Variants in ABLIM2 observed in about 807,000 individuals in gnomAD.
ABLIM2 encodes actin-binding LIM protein 2.
ABLIM2 carries 53 observed loss-of-function variants against 97.7 expected under a neutral mutation model. That is an observed-to-expected ratio of 0.54 (90% CI 0.44 to 0.68). The LOEUF (loss-of-function observed/expected upper bound fraction) is 0.68. ABLIM2 is among the 30% of genes least tolerant of loss of function. The pLI, the probability that ABLIM2 is intolerant of heterozygous loss-of-function variation, is 0.00. For missense variants in ABLIM2, 835 were observed against 867.2 expected, an observed-to-expected ratio of 0.96 and a Z score of 0.47; for synonymous variants, 361 against 345.8, an observed-to-expected ratio of 1.04 and a Z score of -0.49.
At position 8,032,256 on chromosome 4, in the gene ABLIM2, C is replaced by T. The variant is rs939213010; in HGVS notation, c.1048-2480G>A. Reference sequence around the variant, plus strand: ...GTAAAAGCTCTTTTGTAGAGAGACACGTCCAGTGTTTCTCCACGAGGACTG... The same window carrying T: ...GTAAAAGCTCTTTTGTAGAGAGACATGTCCAGTGTTTCTCCACGAGGACTG... On this transcript the variant is annotated intron_variant, in intron 10 of 20. Transcript: ENST00000447017. This position sits in a 1 kb window ranked among gnomAD's most constrained non-coding sequence, Gnocchi z 4.3. 3.9e-5 allele frequency among the ~76,000 whole-genome samples: 6 copies of T among 151,910 alleles called. No homozygotes were observed. The highest frequency in any genetic ancestry group is 2.0e-4 in the Admixed American group (3 of 15,278).
chr4:8,013,660 C>A (rs1432618057), intron 14 of ABLIM2, among the ~76,000 whole-genome samples: 2 of 152,220 alleles, frequency 1.3e-5, no homozygotes, highest in Non-Finnish European at 2.9e-5. Flanking sequence ...GACCCTGAAG[C>A]CAGAGCTGGA....
rs932568955 is a variant in ABLIM2 at position 8,004,137 on chromosome 4, G to T, written c.1618+3922C>A. ...CCTTCCCTTCCACAGAAAAGCTGCA[G>T]CAGGGTCGCTGTCTCCTAACCCTCC... is the stretch of plus-strand genomic sequence containing the variant. On this transcript the variant is annotated intron_variant, in intron 16 of 20. Coordinates refer to ENST00000447017, the MANE Select transcript of ABLIM2 (RefSeq NM_001130083.2). This position sits in a 1 kb window ranked among gnomAD's most constrained non-coding sequence, Gnocchi z 5.9. Among the ~76,000 whole-genome samples, 1 of 142,238 alleles carries T rather than the reference G, an allele frequency of 7.0e-6. No homozygotes were observed. The highest frequency in any genetic ancestry group is 6.9e-5 in the Admixed American group (1 of 14,546). 93.3% of individuals were successfully genotyped at this position (142,238 alleles called of 152,430 possible). A position where few individuals can be genotyped will look rare whatever the true frequency, so the allele number is the denominator to read the frequency against.
Position 7,966,475 on chromosome 4 carries a change from C to A in ABLIM2, c.*515G>T, listed in dbSNP as rs1723015288. On this transcript the variant is annotated 3_prime_UTR_variant, in exon 21 of 21. Coordinates refer to ENST00000447017, the MANE Select transcript of ABLIM2 (RefSeq NM_001130083.2). ...ATCACAGACGCCTGCAAAAATCACA[C>A]ACCCCACTCTTGGCACTGTCCCAGA... The A allele has an allele frequency of 6.5e-6, 1 of 154,342 alleles. No homozygotes were observed. Among genetic ancestry groups the A allele is most frequent in the Admixed American group, 6.4e-5 (1 of 15,544 alleles). The allele number at this position is 154,342 out of a possible 1,614,324, so 9.6% of individuals were successfully genotyped here. A position where few individuals can be genotyped will look rare whatever the true frequency, so the allele number is the denominator to read the frequency against.
intron 2 of ABLIM2, among the ~76,000 whole-genome samples, chr4:8,101,550 G>A (rs1443595875): frequency 6.6e-6 from 1 of 152,216 alleles, no homozygotes; most frequent in Non-Finnish European, 1.5e-5. Flanking sequence ...GTCCCAGATG[G>A]ATGCATCCTC....
intron 1 of ABLIM2, among the ~76,000 whole-genome samples, chr4:8,152,224 A>G (rs193068711): frequency 1.3e-3 from 205 of 152,328 alleles, no homozygotes; most frequent in African/African-American, 4.7e-3. Context: ...CGGCTAAAGC[A>G]CGCAGGCAGG....
At position 8,095,606 on chromosome 4, in the gene ABLIM2, G is replaced by A. The variant is rs7674462; in HGVS notation, c.338+1493C>T. ...TTTATGTTTCCCAAGCTGGTCTCCA[G>A]TTCCTGGTCTCAAGCGATCCTCCTA... On this transcript the variant is annotated intron_variant, in intron 3 of 20. Transcript: ENST00000447017. The surrounding 1 kb of genome is among the most constrained non-coding windows in gnomAD (Gnocchi z 4.7). 0.25 allele frequency among the ~76,000 whole-genome samples: 38,521 copies of A among 152,058 alleles called. 5,126 individuals carry two copies. The highest frequency in any genetic ancestry group is 0.32 in the East Asian group (1,630 of 5,170).
chr4:8,036,903 T>A (rs1264346288), intron 9 of ABLIM2, among the ~76,000 whole-genome samples: 1 of 151,508 alleles, frequency 6.6e-6, no homozygotes, highest in African/African-American at 2.4e-5. Flanking sequence ...CATCCCTTAC[T>A]ATTCATGTGG....
Position 8,124,487 on chromosome 4 carries a change from A to T in ABLIM2, c.11-17850T>A, listed in dbSNP as rs1846920391. On this transcript the variant is annotated intron_variant, in intron 1 of 20. Coordinates refer to ENST00000447017, the MANE Select transcript of ABLIM2 (RefSeq NM_001130083.2). The surrounding 1 kb of genome is among the most constrained non-coding windows in gnomAD (Gnocchi z 6.1). ...TGGATTTGCCTGCTCTGGGCATTTC[A>T]TGCGAACGGAATCCCACACTGCGTG... 6.6e-6 allele frequency among the ~76,000 whole-genome samples: 1 copy of T among 152,030 alleles called. No homozygotes were observed. The highest frequency in any genetic ancestry group is 2.4e-5 in the African/African-American group (1 of 41,408).
At chr4:8,064,568 C>T (rs182006680) in intron 6 of ABLIM2, among the ~76,000 whole-genome samples, 2 of 152,298 alleles carry the variant, frequency 1.3e-5, no homozygotes, top group East Asian at 3.9e-4. Context: ...ATAAATTCCC[C>T]AGGAGTTTCA....
chr4:8,009,970 C>T (rs1216420802), intron 14 of ABLIM2, among the ~76,000 whole-genome samples: 1 of 152,230 alleles, frequency 6.6e-6, no homozygotes, highest in African/African-American at 2.4e-5. Flanking sequence ...CTGTCTGCCA[C>T]ACCTGGCTAA....
intron 2 of ABLIM2, among the ~76,000 whole-genome samples, chr4:8,105,558 TTTGC>T (rs1396988335): frequency 1.3e-5 from 2 of 152,188 alleles, no homozygotes; most frequent in Non-Finnish European, 2.9e-5. Context: ...CCTAGTTTTG[TTTGC>T]CCAGAAAAAA....
chr4:8,132,379 T>C lies in ABLIM2; in HGVS notation c.11-25742A>G, dbSNP rs889387089. 7.9e-5 allele frequency among the ~76,000 whole-genome samples: 12 copies of C among 152,150 alleles called. No individual in the cohort carries two copies. Among genetic ancestry groups the C allele is most frequent in the Non-Finnish European group, 1.0e-4 (7 of 68,026 alleles). Reference sequence around the variant, plus strand: ...GACACATGGGACAGGTGAGAGAGATTTTCACTGAGACTTAAAGCGAGGAAG... The same window carrying C: ...GACACATGGGACAGGTGAGAGAGATCTTCACTGAGACTTAAAGCGAGGAAG... On this transcript the variant is annotated intron_variant, in intron 1 of 20. Transcript: ENST00000447017. The surrounding 1 kb of genome is among the most constrained non-coding windows in gnomAD (Gnocchi z 8.0).
chr4:7,980,437 A>G (rs752808968), intron 20 of ABLIM2, among the ~76,000 whole-genome samples: 1 of 152,164 alleles, frequency 6.6e-6, no homozygotes, highest in Non-Finnish European at 1.5e-5. Context: ...TCTGCAGGCC[A>G]GGCATAGTGG....
intron 14 of ABLIM2, among the ~76,000 whole-genome samples, chr4:8,012,635 T>G (rs933615345): frequency 1.3e-5 from 2 of 150,540 alleles, no homozygotes; most frequent in Non-Finnish European, 3.0e-5. Flanking sequence ...CATCTACCCA[T>G]CCATCCACCC....
At position 8,044,835 on chromosome 4, in the gene ABLIM2, C is replaced by A. The variant is rs1056397172; in HGVS notation, c.900+329G>T. On this transcript the variant is annotated intron_variant, in intron 9 of 20. Transcript: ENST00000447017. The surrounding 1 kb of genome is among the most constrained non-coding windows in gnomAD (Gnocchi z 4.4). Reference sequence around the variant, plus strand: ...TGCAGGGTCCCGCCTGGGTGTCTGGCAAGCCCCAACTGTCGGCTGTTGATG... The same window carrying A: ...TGCAGGGTCCCGCCTGGGTGTCTGGAAAGCCCCAACTGTCGGCTGTTGATG... Among the ~76,000 whole-genome samples the A allele has an allele frequency of 5.9e-5, 9 of 152,336 alleles. No homozygotes were observed. The highest frequency in any genetic ancestry group is 1.9e-4 in the African/African-American group (8 of 41,572).
Position 8,005,345 on chromosome 4 carries a change from T to G in ABLIM2, c.1618+2714A>C, listed in dbSNP as rs374422861. The stretch of plus-strand genomic sequence containing the variant: ...AAATACCCGTTGAATGTAACGCATT[T>G]CAATTCAACAGACATTTATTGAGTG... On this transcript the variant is annotated intron_variant, in intron 16 of 20. Coordinates refer to ENST00000447017, the MANE Select transcript of ABLIM2 (RefSeq NM_001130083.2). This position sits in a 1 kb window ranked among gnomAD's most constrained non-coding sequence, Gnocchi z 4.9. 79 of 533,474 alleles carry G rather than the reference T, an allele frequency of 1.5e-4. No individual in the cohort carries two copies. Among genetic ancestry groups the G allele is most frequent in the Non-Finnish European group, 2.7e-4 (70 of 260,066 alleles). 33.0% of individuals were successfully genotyped at this position (533,474 alleles called of 1,614,324 possible).
intron 2 of ABLIM2, among the ~76,000 whole-genome samples, chr4:8,102,259 G>A (rs1835017693): frequency 1.3e-5 from 2 of 152,182 alleles, no homozygotes; most frequent in Admixed American, 6.5e-5. Flanking sequence ...TGGTGGGAAT[G>A]CTCTTCCCTC....
intron 6 of ABLIM2, among the ~76,000 whole-genome samples, chr4:8,065,076 A>G (rs1312466761): frequency 6.6e-6 from 1 of 152,118 alleles, no homozygotes; most frequent in Non-Finnish European, 1.5e-5. Flanking sequence ...ATAGTGAGAC[A>G]TGGTCTCTAC....
chr4:8,134,017 T>A (rs1262025305), intron 1 of ABLIM2, among the ~76,000 whole-genome samples: 1 of 151,930 alleles, frequency 6.6e-6, no homozygotes, highest in Non-Finnish European at 1.5e-5. Flanking sequence ...AACAGCGAGG[T>A]GAGTGCCCTC....
Sources: gnomAD v4.1 joint callset for allele counts (sites outside exome capture counted in the v4.1 genomes callset) on GRCh38, gnomAD v4.1.1 for gene constraint, Gnocchi (gnomAD v3.1) non-coding constraint, MANE v1.5 for transcripts, NCBI Gene and HGNC (gene_info 2026-07-23, HGNC 2026-07-21) for gene names.